Variants in CSMD1 observed in about 807,000 individuals in gnomAD.
The protein encoded by CSMD1 is CUB and sushi domain-containing protein 1.
CSMD1 carries 213 observed loss-of-function variants against 417.5 expected under a neutral mutation model. The ratio of observed to expected loss-of-function variants is 0.51; its 90% confidence interval spans 0.46 to 0.57. The LOEUF (loss-of-function observed/expected upper bound fraction) is 0.57, where lower values mean the gene tolerates loss of function less well. Ranked by LOEUF, CSMD1 falls within the 20% of genes least tolerant of loss-of-function variation. The probability of loss-of-function intolerance (pLI) is 0.00; values close to 1 mark genes in which losing one functional copy is unlikely to be tolerated. For synonymous variants in CSMD1, 2,862 were observed against 1,736.8 expected (o/e 1.65, Z -16.11); for missense variants, 6,923 against 4,529.7 (o/e 1.53, Z -15.17).
chr8:3,367,331 G>A (rs1272971221), intron 19 of CSMD1, 84 bp from the exon 20 acceptor site: 6 of 823,386 alleles, frequency 7.3e-6, no homozygotes, highest in Admixed American at 4.2e-5. Flanking sequence ...GGGGCAGAGA[G>A]AGACAGAGAC....
At chr8:4,067,848 G>A (rs985208372) in intron 3 of CSMD1, among the ~76,000 whole-genome samples, 11 of 152,148 alleles carry the variant, frequency 7.2e-5, no homozygotes, top group South Asian at 6.2e-4. Flanking sequence ...GGAGGCCGAG[G>A]TGGGCGGATC....
In CSMD1 at chr8:4,187,198, G is replaced by C. The variant is rs190055911; in HGVS notation, c.416-155099C>G. On this transcript the variant is annotated intron_variant, in intron 3 of 69. Coordinates refer to ENST00000635120, the MANE Select transcript of CSMD1 (RefSeq NM_033225.6). ...TTGCTTTAAAACAATCTGGGACATT[G>C]TTGGATTCTGTTCAGAGAAAAAATA... 5.3e-5 allele frequency among the ~76,000 whole-genome samples: 8 copies of C among 152,232 alleles called. No individual in the cohort carries two copies. In the East Asian group the frequency reaches 1.6e-3, roughly 30 times the overall value.
At chr8:3,724,063 C>T (rs1355663177) in intron 6 of CSMD1, among the ~76,000 whole-genome samples, 1 of 81,284 alleles carries the variant, frequency 1.2e-5, no homozygotes, top group Non-Finnish European at 3.9e-5. Context: ...AGATTTTGTT[C>T]ATTGACTTCA....
At chr8:3,122,731 C>T (rs560276453) in intron 41 of CSMD1, among the ~76,000 whole-genome samples, 2 of 151,742 alleles carry the variant, frequency 1.3e-5, no homozygotes, top group African/African-American at 4.9e-5. Context: ...TTTCACCTCC[C>T]ACCATGATTC....
chr8:3,096,977 T>C lies in CSMD1; in HGVS notation c.7010A>G (p.Tyr2337Cys), dbSNP rs1815351782. The C allele has an allele frequency of 1.9e-6, 3 of 1,555,496 alleles. No individual in the cohort carries two copies. Among genetic ancestry groups the C allele is most frequent in the Non-Finnish European group, 2.6e-6 (3 of 1,148,626 alleles). Residue 2337 changes from tyrosine to cysteine, a missense_variant, in exon 47 of 70, where the codon TAT becomes TGT. By Grantham distance (194) the Tyr-to-Cys change is radical. Coordinates refer to ENST00000635120, the MANE Select transcript of CSMD1 (RefSeq NM_033225.6). Reference protein sequence around the residue: ...GSSGVILSPGYPGNYFNSQTC... With the variant: ...GSSGVILSPGCPGNYFNSQTC... ...CTGGGAGTTAAAATAATTACCCGGA[T>C]ACCCTGGACTGAGAATGACTCCCGA... is the stretch of plus-strand genomic sequence containing the variant.
chr8:3,988,877 C>G (rs569384678), intron 5 of CSMD1, among the ~76,000 whole-genome samples: 4 of 152,228 alleles, frequency 2.6e-5, no homozygotes, highest in African/African-American at 9.6e-5. Flanking sequence ...GTTATTGTCA[C>G]ACAATTCATA....
intron 3 of CSMD1, among the ~76,000 whole-genome samples, chr8:4,096,970 G>C (rs935142622): frequency 1.3e-5 from 2 of 152,176 alleles, no homozygotes; most frequent in Non-Finnish European, 2.9e-5. Flanking sequence ...GAGCCAGTGA[G>C]TAAATTCAAA....
At chr8:3,677,105 C>G (rs1799414867) in intron 7 of CSMD1, among the ~76,000 whole-genome samples, 1 of 152,076 alleles carries the variant, frequency 6.6e-6, no homozygotes, top group Non-Finnish European at 1.5e-5. Context: ...AAAACCATGA[C>G]ACATGTAGTT....
intron 2 of CSMD1, among the ~76,000 whole-genome samples, chr8:4,601,634 T>C (rs568124675): frequency 7.7e-4 from 117 of 152,286 alleles, no homozygotes; most frequent in African/African-American, 2.6e-3. Flanking sequence ...GATTACAAAG[T>C]ATGGCGGATG....
chr8:3,545,509 G>C (rs780217259), intron 10 of CSMD1, among the ~76,000 whole-genome samples: 2 of 152,166 alleles, frequency 1.3e-5, no homozygotes, highest in Non-Finnish European at 2.9e-5. Context: ...GAGTGATAAA[G>C]AATCATACTG....
intron 2 of CSMD1, among the ~76,000 whole-genome samples, chr8:4,504,276 G>A (rs1041525348): frequency 6.6e-6 from 1 of 152,182 alleles, no homozygotes; most frequent in Admixed American, 6.5e-5. Flanking sequence ...AATCTACAAT[G>A]CACAGAAGCA....
At chr8:3,451,483 A>G (rs56209533) in intron 12 of CSMD1, among the ~76,000 whole-genome samples, 7,398 of 152,280 alleles carry the variant, frequency 0.049, 236 homozygotes, top group Non-Finnish European at 0.071. Flanking sequence ...ATCTTGAATT[A>G]ATTTTTGTAT....
At chr8:4,403,372 C>G (rs368590666) in intron 3 of CSMD1, among the ~76,000 whole-genome samples, 11 of 152,118 alleles carry the variant, frequency 7.2e-5, no homozygotes, top group East Asian at 5.8e-4. Context: ...TCTACTTGAC[C>G]TCTCTAACTT....
At chr8:3,415,140 A>T (rs1813049450) in intron 12 of CSMD1, among the ~76,000 whole-genome samples, 1 of 152,206 alleles carries the variant, frequency 6.6e-6, no homozygotes, top group African/African-American at 2.4e-5. Flanking sequence ...TTAATTGACA[A>T]ATTTAAATTG....
intron 1 of CSMD1, among the ~76,000 whole-genome samples, chr8:4,858,150 C>G (rs1305495454): frequency 6.7e-6 from 1 of 149,554 alleles, no homozygotes; most frequent in Admixed American, 6.6e-5. Context: ...ATAAACAGAG[C>G]CAAAGACAAA....
chr8:4,246,864 C>G (rs1219399588), intron 3 of CSMD1, among the ~76,000 whole-genome samples: 3 of 152,094 alleles, frequency 2.0e-5, no homozygotes, highest in Admixed American at 2.0e-4. Context: ...CTCAAATAAT[C>G]TACAAAGTGA....
intron 1 of CSMD1, among the ~76,000 whole-genome samples, chr8:4,836,962 T>C (rs1219620046): frequency 6.6e-6 from 1 of 152,098 alleles, no homozygotes; most frequent in Non-Finnish European, 1.5e-5. Context: ...GGAAACTCTG[T>C]AGAACAGATG....
chr8:4,665,685 G>C (rs761855000), intron 1 of CSMD1, among the ~76,000 whole-genome samples: 15 of 152,292 alleles, frequency 9.8e-5, no homozygotes, highest in African/African-American at 2.9e-4. Flanking sequence ...GCTGTTGCAT[G>C]GATCCATAAT....
intron 26 of CSMD1, among the ~76,000 whole-genome samples, chr8:3,232,269 T>A (rs1455497496): frequency 6.6e-6 from 1 of 152,224 alleles, no homozygotes; most frequent in African/African-American, 2.4e-5. Context: ...AATCAAATGC[T>A]TAACTGGAAT....
Sources: gnomAD v4.1 joint callset for allele counts (sites outside exome capture counted in the v4.1 genomes callset) on GRCh38, gnomAD v4.1.1 for gene constraint, MANE v1.5 for transcripts, NCBI Gene and HGNC (gene_info 2026-07-23, HGNC 2026-07-21) for gene names.